Variants in FAM118B observed in about 807,000 individuals in gnomAD.
FAM118B encodes SIR2 antiphage like 1, also known as protein FAM118B.
A neutral mutation model predicts 38.5 loss-of-function variants in FAM118B; 24 were observed. The observed-to-expected ratio is 0.62, with a 90% CI of 0.45 to 0.88. The LOEUF (loss-of-function observed/expected upper bound fraction) is 0.88, where lower values mean the gene tolerates loss of function less well. Ranked by LOEUF, FAM118B falls within the 40% of genes least tolerant of loss-of-function variation. The pLI, the probability that FAM118B is intolerant of heterozygous loss-of-function variation, is 0.00. For missense variants in FAM118B, 334 were observed against 420.0 expected, an observed-to-expected ratio of 0.80 and a Z score of 1.79; for synonymous variants, 138 against 156.3, an observed-to-expected ratio of 0.88 and a Z score of 0.87.
At chr11:126,227,469 C>T (rs965542524) in intron 1 of FAM118B, among the ~76,000 whole-genome samples, 9 of 152,154 alleles carry the variant, frequency 5.9e-5, no homozygotes, top group Non-Finnish European at 1.0e-4. Flanking sequence ...TCCATTATAT[C>T]TGTCTAAAAT....
chr11:126,221,700 G>A (rs1420154312), intron 1 of FAM118B, among the ~76,000 whole-genome samples: 1 of 151,972 alleles, frequency 6.6e-6, no homozygotes, highest in Non-Finnish European at 1.5e-5. Context: ...AAGGGAGTAT[G>A]TAAAGGGAAT....
intron 1 of FAM118B, among the ~76,000 whole-genome samples, chr11:126,226,702 A>G (rs1950146562): frequency 6.6e-6 from 1 of 152,318 alleles, no homozygotes; most frequent in African/African-American, 2.4e-5. Flanking sequence ...AGCATTGGCC[A>G]GGTGCAGTGG....
At position 126,250,362 on chromosome 11, in the gene FAM118B, A is replaced by AT; in HGVS notation, c.340-142dup. ...CGCCTCGGTCTCCCAAAGTGCTGGGATTACAGGCGTGAGCCACTGCGCCTG... is the reference window on the plus strand; with the variant it reads ...CGCCTCGGTCTCCCAAAGTGCTGGGATTTACAGGCGTGAGCCACTGCGCCTG... On this transcript the variant is annotated intron_variant, in intron 4 of 8. Transcript: ENST00000533050. This position sits in a 1 kb window ranked among gnomAD's most constrained non-coding sequence, Gnocchi z 5.1. 1.7e-6 allele frequency: 1 copy of AT among 599,932 alleles called. No individual in the cohort carries two copies. The highest frequency in any genetic ancestry group is 2.9e-6 in the Non-Finnish European group (1 of 340,428). 37.2% of individuals were successfully genotyped at this position (599,932 alleles called of 1,614,324 possible).
At chr11:126,228,726 A>G (rs1177419977) in intron 1 of FAM118B, among the ~76,000 whole-genome samples, 2 of 151,548 alleles carry the variant, frequency 1.3e-5, no homozygotes, top group Non-Finnish European at 2.9e-5. Flanking sequence ...CACCCAGCTA[A>G]TTTTTTGTAT....
Position 126,252,080 on chromosome 11 carries a change from G to A in FAM118B, c.567+1347G>A, listed in dbSNP as rs1175450693. Among the ~76,000 whole-genome samples the A allele has an allele frequency of 6.6e-6, 1 of 152,048 alleles. No homozygotes were observed. The highest frequency in any genetic ancestry group is 6.6e-5 in the Admixed American group (1 of 15,248). ...CAGCTCACTGCAACCTCCTCCTCCT[G>A]GGTTCAAGCGATTCTCCTGCCTCAG... On this transcript the variant is annotated intron_variant, in intron 5 of 8. Coordinates refer to ENST00000533050, the MANE Select transcript of FAM118B (RefSeq NM_024556.4). The surrounding 1 kb of genome is among the most constrained non-coding windows in gnomAD (Gnocchi z 4.7).
rs959321181 is a variant in FAM118B at position 126,262,290 on chromosome 11, G to A, written c.*157G>A. 2.7e-5 allele frequency: 16 copies of A among 584,946 alleles called. No homozygotes were observed. Among genetic ancestry groups the A allele is most frequent in the African/African-American group, 3.9e-5 (2 of 51,238 alleles). The allele number at this position is 584,946 out of a possible 1,614,324, so 36.2% of individuals were successfully genotyped here. A position where few individuals can be genotyped will look rare whatever the true frequency, so the allele number is the denominator to read the frequency against. On this transcript the variant is annotated 3_prime_UTR_variant, in exon 9 of 9. Transcript: ENST00000533050. ...GTAGAAGAGGGGGGAATGTTGCAGC[G>A]TAATCCTTCATACCACCTGGTTCTT...
Position 126,255,422 on chromosome 11 carries a change from T to C in FAM118B, c.696+989T>C, listed in dbSNP as rs1950562924. 6.6e-6 allele frequency among the ~76,000 whole-genome samples: 1 copy of C among 152,186 alleles called. No individual in the cohort carries two copies. The highest frequency in any genetic ancestry group is 6.5e-5 in the Admixed American group (1 of 15,272). On this transcript the variant is annotated intron_variant, in intron 6 of 8. Transcript: ENST00000533050. The surrounding 1 kb of genome is among the most constrained non-coding windows in gnomAD (Gnocchi z 4.6). The stretch of plus-strand genomic sequence containing the variant: ...ATTCTTTCCCAACATCTGCCATAAC[T>C]GCATCCATCTCTGACATTGAGTGAT...
chr11:126,214,312 C>G (rs984063906), intron 1 of FAM118B: 15 of 145,762 alleles, frequency 1.0e-4, no homozygotes, highest in Admixed American at 9.1e-4. Flanking sequence ...GAGATCGCAT[C>G]ACTGCACTCC....
In FAM118B at chr11:126,240,717, C is replaced by A; in HGVS notation, c.87-75C>A. 4.9e-6 allele frequency: 7 copies of A among 1,419,190 alleles called. No individual in the cohort carries two copies. In the South Asian group the frequency reaches 9.5e-5, roughly 19 times the overall value. 87.9% of individuals were successfully genotyped at this position (1,419,190 alleles called of 1,614,324 possible). On this transcript the variant is annotated intron_variant, in intron 3 of 8. Transcript: ENST00000533050. The stretch of plus-strand genomic sequence containing the variant: ...ATAAAAGTTAGCTAAAAACTGTAAC[C>A]TGAGTCAGACAGTCTTTCTGTGTGC...
rs1950531439 is a variant in FAM118B, at chr11:126,253,337, C to T, written c.568-968C>T. Among the ~76,000 whole-genome samples, 2 of 152,272 alleles carry T rather than the reference C, an allele frequency of 1.3e-5. No individual in the cohort carries two copies. The highest frequency in any genetic ancestry group is 4.1e-4 in the South Asian group (2 of 4,822). The stretch of plus-strand genomic sequence containing the variant: ...AATTCTAAATCTCGGTGCCTCTTGA[C>T]TACTTTCCTGATTCATAGCCTATTT... On this transcript the variant is annotated intron_variant, in intron 5 of 8. Coordinates refer to ENST00000533050, the MANE Select transcript of FAM118B (RefSeq NM_024556.4). The surrounding 1 kb of genome is among the most constrained non-coding windows in gnomAD (Gnocchi z 5.1).
intron 2 of FAM118B, among the ~76,000 whole-genome samples, chr11:126,232,360 T>C (rs773414772): frequency 6.6e-6 from 1 of 152,184 alleles, no homozygotes; most frequent in Non-Finnish European, 1.5e-5. Context: ...AGTTTTCTCA[T>C]CTGTAAAATA....
chr11:126,246,426 C>T (rs559580735), intron 4 of FAM118B, among the ~76,000 whole-genome samples: 1 of 152,174 alleles, frequency 6.6e-6, no homozygotes, highest in Non-Finnish European at 1.5e-5. Context: ...CACTGGAACC[C>T]TGCACAAATC....
rs1950528130 is a variant in FAM118B, at chr11:126,253,145, G to A, written c.568-1160G>A. 6.6e-6 allele frequency among the ~76,000 whole-genome samples: 1 copy of A among 152,178 alleles called. No homozygotes were observed. The highest frequency in any genetic ancestry group is 1.5e-5 in the Non-Finnish European group (1 of 68,030). On this transcript the variant is annotated intron_variant, in intron 5 of 8. Coordinates refer to ENST00000533050, the MANE Select transcript of FAM118B (RefSeq NM_024556.4). The surrounding 1 kb of genome is among the most constrained non-coding windows in gnomAD (Gnocchi z 5.1). ...GTGTTCATGGATATCAGAAGCATAA[G>A]GACCTTTTAAAAGCTGAGGATATCT...
rs1342075694 is a variant in FAM118B, at chr11:126,214,520, T to TG, written c.-77+2690_-77+2691insG. 58 of 131,972 alleles carry TG rather than the reference T, an allele frequency of 4.4e-4. 1 individual carries two copies. The highest frequency in any genetic ancestry group is 1.6e-3 in the African/African-American group (55 of 35,318). 8.2% of individuals were successfully genotyped at this position (131,972 alleles called of 1,614,324 possible). ...TTTTTTTTGTTTTTTTTTTGTTTTTTTTTTTTTACCTCTATATTGCCTCCT... is the reference window on the plus strand; with the variant it reads ...TTTTTTTTGTTTTTTTTTTGTTTTTTGTTTTTTTACCTCTATATTGCCTCCT... On this transcript the variant is annotated intron_variant, in intron 1 of 8. Transcript: ENST00000533050.
At chr11:126,261,235 G>A (rs896164264) in intron 7 of FAM118B, 190 bp from the exon 8 acceptor site, 22 of 575,014 alleles carry the variant, frequency 3.8e-5, no homozygotes, top group Non-Finnish European at 1.2e-5. Flanking sequence ...TTCCCTGTTA[G>A]GTAATGCAAG....
chr11:126,246,529 A>G (rs1254912729), intron 4 of FAM118B, among the ~76,000 whole-genome samples: 6 of 152,218 alleles, frequency 3.9e-5, no homozygotes, highest in Non-Finnish European at 8.8e-5. Context: ...TAATGTGTAT[A>G]AAATGTCTGG....
Position 126,241,059 on chromosome 11 carries a change from A to G in FAM118B, c.339+15A>G, listed in dbSNP as rs1950350490. 6.4e-7 allele frequency: 1 copy of G among 1,555,696 alleles called. No homozygotes were observed. The highest frequency in any genetic ancestry group is 8.7e-7 in the Non-Finnish European group (1 of 1,151,388). On this transcript the variant is annotated intron_variant, in intron 4 of 8. Coordinates refer to ENST00000533050, the MANE Select transcript of FAM118B (RefSeq NM_024556.4). ...AACTCTCTCCTGTGAGTACCCTAGT[A>G]TGTGCCACAGTATTTGGAATTTCCT...
intron 5 of FAM118B, among the ~76,000 whole-genome samples, chr11:126,251,966 G>A (rs1375379728): frequency 6.6e-6 from 1 of 151,460 alleles, no homozygotes; most frequent in Non-Finnish European, 1.5e-5. Context: ...ACAGGCATGT[G>A]CCTGGCCGTT....
At chr11:126,229,406 AT>A (rs1433944426) in intron 2 of FAM118B, 113 bp downstream of exon 2, 1 of 152,118 alleles carries the variant, frequency 6.6e-6, no homozygotes, top group Admixed American at 6.5e-5. Context: ...CTTTGGCTTT[AT>A]AATAGAAAAT....
Sources: allele counts gnomAD v4.1 joint callset (sites outside exome capture counted in the v4.1 genomes callset), GRCh38; gene constraint gnomAD v4.1.1; non-coding constraint Gnocchi (gnomAD v3.1); transcripts MANE v1.5; gene names NCBI Gene and HGNC (gene_info 2026-07-23, HGNC 2026-07-21).